Variants in XRCC4 observed in about 807,000 individuals in gnomAD.
XRCC4 encodes X-ray repair cross complementing 4.
In XRCC4, 28 loss-of-function variants were observed where a neutral mutation model predicts 39.1. The ratio of observed to expected loss-of-function variants is 0.72; its 90% CI spans 0.53 to 0.98. The LOEUF (loss-of-function observed/expected upper bound fraction) is 0.98, where lower values mean the gene tolerates loss of function less well. Among genes scored for constraint, XRCC4 ranks in the 50% least tolerant of loss-of-function variants. XRCC4 has a pLI of 0.00. For missense variants in XRCC4, 350 were observed against 376.4 expected (o/e 0.93, Z 0.58); for synonymous variants, 123 against 126.4 (o/e 0.97, Z 0.18).
intron 7 of XRCC4, among the ~76,000 whole-genome samples, chr5:83,298,450 G>A (rs560191437): frequency 1.3e-5 from 2 of 151,968 alleles, no homozygotes; most frequent in Admixed American, 6.6e-5. Context: ...TCCTGAAGAA[G>A]AGAATCTTTC....
At chr5:83,341,875 C>A (rs1756769948) in intron 7 of XRCC4, among the ~76,000 whole-genome samples, 1 of 152,106 alleles carries the variant, frequency 6.6e-6, no homozygotes, top group Non-Finnish European at 1.5e-5. Context: ...ATCAGTGGAA[C>A]TTTTATGTGC....
chr5:83,331,576 G>C (rs1220468076), intron 7 of XRCC4, among the ~76,000 whole-genome samples: 1 of 152,092 alleles, frequency 6.6e-6, no homozygotes, highest in East Asian at 1.9e-4. Flanking sequence ...TATGGAGTCA[G>C]TGCAAACATT....
intron 6 of XRCC4, among the ~76,000 whole-genome samples, chr5:83,212,885 C>T (rs989977678): frequency 6.7e-6 from 1 of 149,462 alleles, no homozygotes; most frequent in Non-Finnish European, 1.5e-5. Flanking sequence ...CAAGATCATG[C>T]CACTGCACTC....
chr5:83,256,967 A>G (rs1376803523), intron 6 of XRCC4, among the ~76,000 whole-genome samples: 1 of 152,162 alleles, frequency 6.6e-6, no homozygotes, highest in African/African-American at 2.4e-5. Flanking sequence ...AAGGTAATAC[A>G]TGGAAAACCC....
chr5:83,373,623 T>A, the XRCC4 span, among the ~76,000 whole-genome samples: 1 of 152,210 alleles, frequency 6.6e-6, no homozygotes, highest in South Asian at 2.1e-4. Flanking sequence ...TTATGAATTG[T>A]CTTTCAATCC....
intron 6 of XRCC4, among the ~76,000 whole-genome samples, chr5:83,235,627 CAA>C (rs1184424490): frequency 2.6e-5 from 4 of 152,032 alleles, no homozygotes; most frequent in Non-Finnish European, 4.4e-5. Flanking sequence ...GGGAAAAAAA[CAA>C]AAGTCTTTTC....
chr5:83,288,122 G>T (rs1754796935), intron 7 of XRCC4, among the ~76,000 whole-genome samples: 1 of 151,732 alleles, frequency 6.6e-6, no homozygotes. Context: ...TTTCATTGTG[G>T]CTTAAGAACA....
intron 7 of XRCC4, among the ~76,000 whole-genome samples, chr5:83,341,917 T>TC (rs887428474): frequency 6.6e-6 from 1 of 151,914 alleles, no homozygotes; most frequent in South Asian, 2.1e-4. Context: ...TAAAGCAGAG[T>TC]CCCCCCAACT....
intron 1 of XRCC4, among the ~76,000 whole-genome samples, chr5:83,088,504 T>A (rs1028490818): frequency 3.5e-4 from 53 of 151,112 alleles, no homozygotes; most frequent in Non-Finnish European, 7.5e-4. Context: ...TAATGGGAAA[T>A]TTTTAAAACA....
the XRCC4 span, among the ~76,000 whole-genome samples, chr5:83,372,330 G>T: frequency 1.3e-5 from 2 of 152,172 alleles, no homozygotes; most frequent in African/African-American, 2.4e-5. Context: ...ACTTGTAGAA[G>T]TTTATACAGA....
intron 3 of XRCC4, among the ~76,000 whole-genome samples, chr5:83,159,841 A>G (rs576749159): frequency 1.3e-5 from 2 of 152,270 alleles, no homozygotes; most frequent in South Asian, 2.1e-4. Context: ...CCTGTAGTCT[A>G]TGGACACCTG....
At chr5:83,311,510 A>T (rs1345699204) in intron 7 of XRCC4, among the ~76,000 whole-genome samples, 4 of 152,214 alleles carry the variant, frequency 2.6e-5, no homozygotes, top group Non-Finnish European at 5.9e-5. Context: ...ATTAAAAAAT[A>T]GAAAAAAATC....
intron 3 of XRCC4, among the ~76,000 whole-genome samples, chr5:83,181,117 CT>C (rs1185188676): frequency 6.9e-5 from 10 of 144,050 alleles, no homozygotes; most frequent in East Asian, 4.0e-4. Context: ...GTTCCATTTC[CT>C]TTTTTTTTCA....
Position 83,203,677 on chromosome 5 carries a change from A to G in XRCC4, c.608A>G (p.Gln203Arg). The G allele has an allele frequency of 6.2e-7, 1 of 1,608,978 alleles. No individual in the cohort carries two copies. The highest frequency in any genetic ancestry group is 8.5e-7 in the Non-Finnish European group (1 of 1,178,154). ...SLHNKLLNAA[Q>R]EREKDIKQEG... ...CATAATAAATTATTAAATGCAGCTCAAGAACGAGAAAAGGACATCAAACAA... is the reference window on the plus strand; with the variant it reads ...CATAATAAATTATTAAATGCAGCTCGAGAACGAGAAAAGGACATCAAACAA... Residue 203 changes from glutamine (Q) to arginine (R), a missense_variant, in exon 5 of 8, where the codon CAA (glutamine) becomes CGA (arginine). Physicochemically the swap from Gln to Arg is conservative, Grantham distance 43 (BLOSUM62 1). Transcript: ENST00000396027.
intron 7 of XRCC4, among the ~76,000 whole-genome samples, chr5:83,289,427 A>G (rs1247786010): frequency 6.6e-6 from 1 of 151,862 alleles, no homozygotes; most frequent in African/African-American, 2.4e-5. Flanking sequence ...ATTGTGCTAT[A>G]TTTAATGTTT....
chr5:83,199,450 C>T (rs1206947700), intron 4 of XRCC4, among the ~76,000 whole-genome samples: 1 of 152,158 alleles, frequency 6.6e-6, no homozygotes, highest in Non-Finnish European at 1.5e-5. Flanking sequence ...GTCTTCCCAA[C>T]TCTATTCAGA....
At chr5:83,309,296 A>AAAAAAAAAAAAAAATATATATAT in intron 7 of XRCC4, among the ~76,000 whole-genome samples, 1 of 72,230 alleles carries the variant, frequency 1.4e-5, no homozygotes, top group Non-Finnish European at 2.1e-5. Flanking sequence ...AAAAAAAAAA[A>AAAAAAAAAAAAAAATATATATAT]ATATATATAT....
At chr5:83,334,431 C>T (rs1756529789) in intron 7 of XRCC4, among the ~76,000 whole-genome samples, 1 of 151,974 alleles carries the variant, frequency 6.6e-6, no homozygotes, top group African/African-American at 2.4e-5. Context: ...ACAATATGGG[C>T]ATTTACCTTG....
chr5:83,254,384 C>T (rs1753447867), intron 6 of XRCC4, among the ~76,000 whole-genome samples: 1 of 152,128 alleles, frequency 6.6e-6, no homozygotes, highest in African/African-American at 2.4e-5. Context: ...AACAAGGCCA[C>T]CCTCCTCCTC....
Sources: allele counts gnomAD v4.1 joint callset (sites outside exome capture counted in the v4.1 genomes callset), GRCh38; gene constraint gnomAD v4.1.1; transcripts MANE v1.5; gene names NCBI Gene and HGNC (gene_info 2026-07-23, HGNC 2026-07-21).